KIF16B: variants seen among roughly 807,000 people sequenced by gnomAD.
The protein encoded by KIF16B is kinesin family member 16B.
KIF16B carries 98 observed loss-of-function variants against 156.3 expected under a neutral mutation model. The ratio of observed to expected loss-of-function variants is 0.63; its 90% CI spans 0.53 to 0.74. The LOEUF (loss-of-function observed/expected upper bound fraction) is 0.74, where lower values mean the gene tolerates loss of function less well. Ranked by LOEUF, KIF16B falls within the 30% of genes least tolerant of loss-of-function variation. The pLI is 0.00. For missense variants in KIF16B, 1,421 were observed against 1,606.5 expected, an observed-to-expected ratio of 0.88 and a Z score of 1.97; for synonymous variants, 564 against 583.7, an observed-to-expected ratio of 0.97 and a Z score of 0.49.
chr20:16,333,771 GCTCTGAAAA>G (rs1219040118), intron 24 of KIF16B, among the ~76,000 whole-genome samples: 1 of 152,128 alleles, frequency 6.6e-6, no homozygotes, highest in Non-Finnish European at 1.5e-5. Context: ...GTATATTGGT[GCTCTGAAAA>G]CTCTTTTAAA....
intron 12 of KIF16B, among the ~76,000 whole-genome samples, chr20:16,430,397 T>C (rs1321512660): frequency 6.6e-6 from 1 of 152,120 alleles, no homozygotes; most frequent in Non-Finnish European, 1.5e-5. Flanking sequence ...TTCCTGTGCA[T>C]TACTTACCTT....
In KIF16B at chr20:16,374,335, G is replaced by A. The variant is rs547972458; in HGVS notation, c.3272C>T (p.Thr1091Ile). 11 of 1,606,382 alleles carry A rather than the reference G, an allele frequency of 6.8e-6. No individual in the cohort carries two copies. Among genetic ancestry groups the A allele is most frequent in the Middle Eastern group, 1.7e-4 (1 of 6,038 alleles). Residue 1091 changes from threonine to isoleucine, a missense_variant, in exon 20 of 26, where the codon ACC becomes ATC. Thr to Ile is a moderately conservative substitution (Grantham distance 89). Transcript: ENST00000354981. ...GGAAGAAGCCACCTTCCCTTCCAGGGTCCCATGATGATCTTTTTGAACACC... is the reference window on the plus strand; with the variant it reads ...GGAAGAAGCCACCTTCCCTTCCAGGATCCCATGATGATCTTTTTGAACACC... ...VDGVQKDHHG[T>I]LEGKVASSSL... is the part of the protein sequence containing the mutation.
chr20:16,341,054 C>T (rs184187389), intron 23 of KIF16B, among the ~76,000 whole-genome samples: 11 of 152,236 alleles, frequency 7.2e-5, no homozygotes, highest in African/African-American at 2.6e-4. Context: ...AGGTGGGATG[C>T]TACCATTGTG....
At chr20:16,538,559 G>C (rs2070068225) in intron 1 of KIF16B, among the ~76,000 whole-genome samples, 2 of 152,080 alleles carry the variant, frequency 1.3e-5, no homozygotes, top group African/African-American at 4.8e-5. Context: ...AAATGAACCA[G>C]CTGGAGTACA....
intron 24 of KIF16B, among the ~76,000 whole-genome samples, chr20:16,328,357 T>C (rs2063891816): frequency 6.6e-6 from 1 of 152,212 alleles, no homozygotes; most frequent in African/African-American, 2.4e-5. Context: ...AATGACTCAC[T>C]GCGATAACTT....
chr20:16,435,774 T>C (rs6043945), intron 12 of KIF16B, among the ~76,000 whole-genome samples: 1 of 152,030 alleles, frequency 6.6e-6, no homozygotes, highest in Admixed American at 6.5e-5. Flanking sequence ...CTCTTAGTAA[T>C]TTGATTTTCA....
At chr20:16,320,651 T>G (rs2122785003) in intron 24 of KIF16B, among the ~76,000 whole-genome samples, 1 of 152,336 alleles carries the variant, frequency 6.6e-6, no homozygotes. Context: ...ATACACATTC[T>G]GAAGCAGATA....
At chr20:16,451,374 G>A (rs952831149) in intron 12 of KIF16B, among the ~76,000 whole-genome samples, 4 of 151,948 alleles carry the variant, frequency 2.6e-5, no homozygotes, top group South Asian at 2.1e-4. Flanking sequence ...AGTTTACGAA[G>A]CATACAGAAC....
chr20:16,376,713 C>G (rs1470750355), intron 19 of KIF16B, among the ~76,000 whole-genome samples: 2 of 152,162 alleles, frequency 1.3e-5, no homozygotes, highest in Non-Finnish European at 2.9e-5. Context: ...ACTGTGTCTG[C>G]TATTATACAG....
At chr20:16,287,634 G>T (rs2063244073) in intron 25 of KIF16B, among the ~76,000 whole-genome samples, 1 of 152,174 alleles carries the variant, frequency 6.6e-6, no homozygotes, top group Non-Finnish European at 1.5e-5. Flanking sequence ...ACTTTTATAG[G>T]AAATGTGCAT....
intron 12 of KIF16B, among the ~76,000 whole-genome samples, chr20:16,453,903 T>G (rs2067148242): frequency 6.6e-6 from 1 of 152,184 alleles, no homozygotes; most frequent in Admixed American, 6.5e-5. Context: ...TATCCTTGAT[T>G]TGGCAATCTC....
At chr20:16,502,445 A>G (rs1216976904) in intron 10 of KIF16B, among the ~76,000 whole-genome samples, 1 of 152,202 alleles carries the variant, frequency 6.6e-6, no homozygotes. Context: ...AATTATTTTA[A>G]ATTGGATTCA....
chr20:16,549,692 G>A (rs1397584127), intron 1 of KIF16B, among the ~76,000 whole-genome samples: 34 of 147,130 alleles, frequency 2.3e-4, no homozygotes, highest in African/African-American at 5.3e-4. Flanking sequence ...AAATAACGCC[G>A]CATACCTACA....
chr20:16,513,224 T>G (rs962904433), intron 4 of KIF16B, among the ~76,000 whole-genome samples: 20 of 145,824 alleles, frequency 1.4e-4, no homozygotes, highest in Admixed American at 4.8e-4. Context: ...AGTTTATAAC[T>G]GTACAATAAA....
chr20:16,334,201 AG>A (rs1451942806), intron 24 of KIF16B, among the ~76,000 whole-genome samples: 1 of 152,194 alleles, frequency 6.6e-6, no homozygotes, highest in Non-Finnish European at 1.5e-5. Context: ...TGCTTTTGCT[AG>A]GTATTGCTTT....
At chr20:16,491,222 G>C (rs181447427) in intron 12 of KIF16B, among the ~76,000 whole-genome samples, 3 of 152,130 alleles carry the variant, frequency 2.0e-5, no homozygotes, top group African/African-American at 4.8e-5. Context: ...CCAAAGCCCC[G>C]GTGCACACAC....
intron 12 of KIF16B, among the ~76,000 whole-genome samples, chr20:16,437,271 G>A (rs1194086454): frequency 6.6e-6 from 1 of 152,144 alleles, no homozygotes; most frequent in Non-Finnish European, 1.5e-5. Context: ...AAAATCCATG[G>A]ATGCAGAACC....
intron 2 of KIF16B, among the ~76,000 whole-genome samples, chr20:16,527,261 G>A (rs1195007312): frequency 1.3e-5 from 2 of 152,362 alleles, no homozygotes; most frequent in East Asian, 3.9e-4. Flanking sequence ...AGTGGAGAAT[G>A]CCTCAGGCAA....
rs117316931 is a variant in KIF16B, at chr20:16,280,635, C to G, written c.3796-7224G>C. 8.0e-4 allele frequency among the ~76,000 whole-genome samples: 122 copies of G among 152,308 alleles called. No individual in the cohort carries two copies. The East Asian group carries it at 0.015, about 19-fold the overall frequency. ...TAACTGAGATTCCAAGGGGCAGTGA[C>G]TTGGCTAAGGTCAACAGGTCATAAG... On this transcript the variant is annotated intron_variant, in intron 25 of 25. Coordinates refer to ENST00000354981, the MANE Select transcript of KIF16B (RefSeq NM_024704.5).
Sources: gnomAD v4.1 joint callset for allele counts (sites outside exome capture counted in the v4.1 genomes callset) on GRCh38, gnomAD v4.1.1 for gene constraint, MANE v1.5 for transcripts, NCBI Gene and HGNC (gene_info 2026-07-23, HGNC 2026-07-21) for gene names.